LRRTM4: variants seen among roughly 807,000 people sequenced by gnomAD.
LRRTM4 encodes the protein leucine-rich repeat transmembrane neuronal protein 4.
LRRTM4 carries 25 observed loss-of-function variants against 47.6 expected under a neutral mutation model. The ratio of observed to expected loss-of-function variants is 0.53; its 90% CI spans 0.38 to 0.73. The LOEUF is 0.73. LRRTM4 is among the 30% of genes least tolerant of loss of function. LRRTM4 has a pLI of 0.00. For synonymous variants in LRRTM4, 311 were observed against 269.5 expected (o/e 1.15, Z -1.51); for missense variants, 638 against 713.4 (o/e 0.89, Z 1.20).
At chr2:77,423,299 G>T (rs539286178) in intron 3 of LRRTM4, among the ~76,000 whole-genome samples, 2 of 151,556 alleles carry the variant, frequency 1.3e-5, no homozygotes, top group African/African-American at 4.8e-5. Context: ...GGGCACATGG[G>T]TCTTTTATAA....
intron 3 of LRRTM4, among the ~76,000 whole-genome samples, chr2:77,309,710 GA>G: frequency 6.6e-6 from 1 of 151,898 alleles, no homozygotes. Flanking sequence ...TAGATAGATA[GA>G]TAGATAGATA....
intron 3 of LRRTM4, among the ~76,000 whole-genome samples, chr2:77,102,542 T>C (rs1670984647): frequency 1.3e-5 from 2 of 152,216 alleles, no homozygotes; most frequent in Non-Finnish European, 2.9e-5. Context: ...TATTCCCACG[T>C]ATTTAAATCT....
rs527350772 is a variant in LRRTM4, at chr2:77,486,467, A to G, written c.1551+31851T>C. ...AAACTGTAATGTACTCATTTTGCAC[A>G]CATATTAAGAAAACACACGGCATAA... On this transcript the variant is annotated intron_variant, in intron 3 of 3. Coordinates refer to ENST00000409884, the MANE Select transcript of LRRTM4 (RefSeq NM_001134745.3). Among the ~76,000 whole-genome samples, 3 of 152,316 alleles carry G rather than the reference A, an allele frequency of 2.0e-5. No homozygotes were observed. The South Asian group carries it at 6.2e-4, about 32-fold the overall frequency.
intron 3 of LRRTM4, among the ~76,000 whole-genome samples, chr2:76,989,111 C>T (rs1676912407): frequency 6.6e-6 from 1 of 151,820 alleles, no homozygotes; most frequent in Non-Finnish European, 1.5e-5. Flanking sequence ...CATATTATTA[C>T]ATGTATTGTT....
chr2:77,107,712 G>A (rs1671134964), intron 3 of LRRTM4, among the ~76,000 whole-genome samples: 1 of 151,614 alleles, frequency 6.6e-6, no homozygotes, highest in African/African-American at 2.4e-5. Flanking sequence ...TAGCTACTTG[G>A]GAGGCTGAGG....
intron 3 of LRRTM4, among the ~76,000 whole-genome samples, chr2:77,480,146 A>G (rs1212072111): frequency 6.6e-6 from 1 of 152,064 alleles, no homozygotes; most frequent in Non-Finnish European, 1.5e-5. Flanking sequence ...TGCTCCTACC[A>G]TTACACGACA....
At chr2:77,299,532 T>G (rs1677070721) in intron 3 of LRRTM4, among the ~76,000 whole-genome samples, 1 of 152,138 alleles carries the variant, frequency 6.6e-6, no homozygotes, top group Admixed American at 6.5e-5. Context: ...AATAATAGAC[T>G]CTTCAAAACT....
At chr2:76,917,230 T>C (rs1245720928) in intron 3 of LRRTM4, among the ~76,000 whole-genome samples, 2 of 152,214 alleles carry the variant, frequency 1.3e-5, no homozygotes, top group Non-Finnish European at 2.9e-5. Flanking sequence ...AATCTTGGTT[T>C]ACAAAACCAG....
intron 3 of LRRTM4, among the ~76,000 whole-genome samples, chr2:76,939,852 C>A (rs1343929196): frequency 6.6e-6 from 1 of 152,060 alleles, no homozygotes; most frequent in African/African-American, 2.4e-5. Flanking sequence ...AAATGAAAAT[C>A]TTGGAGAATT....
chr2:77,417,781 G>A (rs941803362), intron 3 of LRRTM4, among the ~76,000 whole-genome samples: 5 of 151,700 alleles, frequency 3.3e-5, no homozygotes, highest in African/African-American at 1.2e-4. Context: ...GAAGGGGGGA[G>A]GAATAGCATT....
chr2:76,799,822 A>G (rs1281374780), intron 3 of LRRTM4, among the ~76,000 whole-genome samples: 3 of 142,808 alleles, frequency 2.1e-5, no homozygotes. Context: ...ACAAACAGAG[A>G]GCCAAATCAT....
intron 3 of LRRTM4, among the ~76,000 whole-genome samples, chr2:77,308,573 C>T (rs1677355845): frequency 6.6e-6 from 1 of 151,758 alleles, no homozygotes; most frequent in African/African-American, 2.4e-5. Context: ...TGTATGTATT[C>T]TTCCGTTATC....
At chr2:77,053,260 T>C (rs1411460713) in intron 3 of LRRTM4, among the ~76,000 whole-genome samples, 1 of 152,146 alleles carries the variant, frequency 6.6e-6, no homozygotes, top group African/African-American at 2.4e-5. Context: ...TCACTGCAAA[T>C]ACTTAAATCC....
intron 3 of LRRTM4, among the ~76,000 whole-genome samples, chr2:76,814,577 A>G (rs979676859): frequency 6.6e-6 from 1 of 152,300 alleles, no homozygotes; most frequent in Non-Finnish European, 1.5e-5. Context: ...ACAAATATTT[A>G]CATAGAATTC....
At chr2:77,429,198 G>A (rs1052429369) in intron 3 of LRRTM4, among the ~76,000 whole-genome samples, 1 of 152,072 alleles carries the variant, frequency 6.6e-6, no homozygotes, top group Non-Finnish European at 1.5e-5. Flanking sequence ...GTGGGCAAGT[G>A]TGAAATAAAG....
chr2:77,474,544 AC>A (rs1677311323), intron 3 of LRRTM4, among the ~76,000 whole-genome samples: 1 of 152,148 alleles, frequency 6.6e-6, no homozygotes, highest in South Asian at 2.1e-4. Flanking sequence ...AAAGACCAAA[AC>A]TTGTATAAAT....
chr2:77,447,936 A>T (rs57836959), intron 3 of LRRTM4, among the ~76,000 whole-genome samples: 7,579 of 152,242 alleles, frequency 0.05, 593 homozygotes, highest in African/African-American at 0.17. Flanking sequence ...GCATTTTATT[A>T]GTACAGTTTA....
intron 3 of LRRTM4, among the ~76,000 whole-genome samples, chr2:77,419,713 C>T (rs571817233): frequency 1.3e-5 from 2 of 152,146 alleles, no homozygotes; most frequent in South Asian, 4.2e-4. Flanking sequence ...TGAATTTCCA[C>T]TTTGCACAGT....
intron 3 of LRRTM4, among the ~76,000 whole-genome samples, chr2:77,157,556 G>A (rs2103799451): frequency 6.6e-6 from 1 of 152,090 alleles, no homozygotes; most frequent in South Asian, 2.1e-4. Flanking sequence ...TTTCTTAAAC[G>A]TATGAGTATA....
Sources: gnomAD v4.1 joint callset for allele counts (sites outside exome capture counted in the v4.1 genomes callset) on GRCh38, gnomAD v4.1.1 for gene constraint, MANE v1.5 for transcripts, NCBI Gene and HGNC (gene_info 2026-07-23, HGNC 2026-07-21) for gene names.